Variants in SUPT3H observed in about 807,000 individuals in gnomAD.
The protein encoded by SUPT3H is transcription initiation protein SPT3 homolog.
A neutral mutation model predicts 44.3 loss-of-function variants in SUPT3H; 44 were observed. The observed-to-expected ratio is 0.99, with a 90% confidence interval of 0.78 to 1.28. The LOEUF (loss-of-function observed/expected upper bound fraction) is 1.28. Among genes scored for constraint, SUPT3H ranks in the 50% most tolerant of loss-of-function variants. The pLI, the probability that SUPT3H is intolerant of heterozygous loss-of-function variation, is 0.00. For missense variants in SUPT3H, 380 were observed against 387.1 expected (o/e 0.98, Z 0.15); for synonymous variants, 124 against 125.6 (o/e 0.99, Z 0.09).
intron 2 of SUPT3H, among the ~76,000 whole-genome samples, chr6:45,194,423 G>A (rs1414091138): frequency 1.1e-4 from 17 of 151,932 alleles, no homozygotes; most frequent in Non-Finnish European, 4.4e-5. Context: ...TAAACCTATT[G>A]TTTACAACAA....
At chr6:45,279,162 T>C (rs1562854317) in intron 2 of SUPT3H, among the ~76,000 whole-genome samples, 1 of 152,142 alleles carries the variant, frequency 6.6e-6, no homozygotes, top group Non-Finnish European at 1.5e-5. Context: ...CCTTCAAATA[T>C]CTAAAATCTT....
At chr6:45,163,479 A>G (rs1678094034) in intron 2 of SUPT3H, among the ~76,000 whole-genome samples, 2 of 152,206 alleles carry the variant, frequency 1.3e-5, no homozygotes, top group Admixed American at 6.6e-5. Flanking sequence ...TATTTTTAAA[A>G]AAACTTACGT....
chr6:45,116,161 T>C lies in SUPT3H; in HGVS notation c.102-10155A>G, dbSNP rs544952153. Among the ~76,000 whole-genome samples the C allele has an allele frequency of 5.3e-4, 81 of 152,296 alleles. No homozygotes were observed. The South Asian group carries it at 0.016, about 30-fold the overall frequency. ...CAGATACTGAATGACAGGCTCGTTA[T>C]TTTTCACAGCATTTAAGGAAGTTTG... On this transcript the variant is annotated intron_variant, in intron 2 of 10. Coordinates refer to ENST00000371459, the MANE Select transcript of SUPT3H (RefSeq NM_003599.4).
chr6:45,285,880 C>G (rs1385580251), intron 2 of SUPT3H, among the ~76,000 whole-genome samples: 1 of 152,104 alleles, frequency 6.6e-6, no homozygotes, highest in Non-Finnish European at 1.5e-5. Context: ...CAGAATGGTA[C>G]TGGTACCAAA....
intron 6 of SUPT3H, among the ~76,000 whole-genome samples, chr6:44,994,920 T>C (rs1250049067): frequency 6.6e-6 from 1 of 151,982 alleles, no homozygotes; most frequent in Non-Finnish European, 1.5e-5. Flanking sequence ...TTAATTTTGT[T>C]TGAATTGGTT....
chr6:45,053,914 CAAA>C (rs56734466), intron 3 of SUPT3H, among the ~76,000 whole-genome samples: 9 of 79,650 alleles, frequency 1.1e-4, no homozygotes, highest in African/African-American at 3.6e-4. Flanking sequence ...GACTCCGTCT[CAAA>C]AAAAAAAAAA....
chr6:45,325,622 A>C (rs1428702817), intron 2 of SUPT3H, among the ~76,000 whole-genome samples: 1 of 151,550 alleles, frequency 6.6e-6, no homozygotes, highest in Admixed American at 6.6e-5. Flanking sequence ...AGAGGATAAA[A>C]TTTTATGGGT....
rs568268450 is a variant in SUPT3H, at chr6:45,276,339, A to G, written c.101+88862T>C. 2.6e-5 allele frequency among the ~76,000 whole-genome samples: 4 copies of G among 152,312 alleles called. No individual in the cohort carries two copies. The South Asian group carries it at 6.2e-4, about 24-fold the overall frequency. On this transcript the variant is annotated intron_variant, in intron 2 of 10. Coordinates refer to ENST00000371459, the MANE Select transcript of SUPT3H (RefSeq NM_003599.4). Reference sequence around the variant, plus strand: ...ACAGCTTTTCAAAATTATAATATGAAAATAGAAACCTCTCCTATAAAAACT... The same window carrying G: ...ACAGCTTTTCAAAATTATAATATGAGAATAGAAACCTCTCCTATAAAAACT...
rs1455885067 is a variant in SUPT3H, at chr6:44,842,404, AAAT to A, written c.913-12550_913-12548del. ...AGAAATATAAATATTATTCATTAAT[AAAT>A]AATGTTTATTAACATTTATTTAGAA... On this transcript the variant is annotated intron_variant, in intron 10 of 10. Coordinates refer to ENST00000371459, the MANE Select transcript of SUPT3H (RefSeq NM_003599.4). Among the ~76,000 whole-genome samples the A allele has an allele frequency of 2.6e-5, 4 of 152,132 alleles. No homozygotes were observed. In the East Asian group the frequency reaches 7.7e-4, roughly 29 times the overall value.
intron 2 of SUPT3H, among the ~76,000 whole-genome samples, chr6:45,157,673 T>C (rs1808062362): frequency 6.6e-6 from 1 of 151,800 alleles, no homozygotes. Flanking sequence ...CTCAGCCTCC[T>C]GAGCAGCTGG....
At chr6:45,000,763 T>C (rs1421671848) in intron 6 of SUPT3H, among the ~76,000 whole-genome samples, 1 of 152,038 alleles carries the variant, frequency 6.6e-6, no homozygotes, top group Admixed American at 6.6e-5. Flanking sequence ...AAACACAAGA[T>C]AAAAAGTCAC....
Position 44,828,190 on chromosome 6 carries a change from A to G in SUPT3H, c.*1626T>C, listed in dbSNP as rs1380450343. Reference sequence around the variant, plus strand: ...AATAAATGCTATCGTTTAAAAGTTAAGTTAAGTTAGGATGTTTACTGCAAG... The same window carrying G: ...AATAAATGCTATCGTTTAAAAGTTAGGTTAAGTTAGGATGTTTACTGCAAG... On this transcript the variant is annotated 3_prime_UTR_variant, in exon 11 of 11. Transcript: ENST00000371459. Among the ~76,000 whole-genome samples, 1 of 152,062 alleles carries G rather than the reference A, an allele frequency of 6.6e-6. No homozygotes were observed. Among genetic ancestry groups the G allele is most frequent in the African/African-American group, 2.4e-5 (1 of 41,428 alleles).
chr6:45,328,790 T>C, intron 2 of SUPT3H: 1 of 1,611,770 alleles, frequency 6.2e-7, no homozygotes, highest in Non-Finnish European at 8.5e-7. Flanking sequence ...TTGGGGTAAG[T>C]GTTACCATTT....
intron 2 of SUPT3H, among the ~76,000 whole-genome samples, chr6:45,290,417 A>C (rs1456769220): frequency 2.7e-5 from 4 of 149,152 alleles, no homozygotes; most frequent in Non-Finnish European, 5.9e-5. Context: ...CATAGGATTA[A>C]GTGAATCTCT....
At chr6:45,268,785 C>G (rs989168241) in intron 2 of SUPT3H, among the ~76,000 whole-genome samples, 1 of 152,108 alleles carries the variant, frequency 6.6e-6, no homozygotes, top group African/African-American at 2.4e-5. Context: ...CTGAAAGAAA[C>G]TTATTTCAGA....
At chr6:44,891,380 T>TA (rs1763289461) in intron 10 of SUPT3H, among the ~76,000 whole-genome samples, 1 of 152,088 alleles carries the variant, frequency 6.6e-6, no homozygotes, top group African/African-American at 2.4e-5. Context: ...ATCAATTGAC[T>TA]AAAACAAATG....
chr6:44,903,968 C>A (rs1765548880), intron 10 of SUPT3H, among the ~76,000 whole-genome samples: 1 of 152,080 alleles, frequency 6.6e-6, no homozygotes, highest in Non-Finnish European at 1.5e-5. Context: ...AGGCCTTTGA[C>A]AAAATTCAAC....
intron 3 of SUPT3H, among the ~76,000 whole-genome samples, chr6:45,061,246 C>T (rs566486085): frequency 4.0e-4 from 61 of 152,248 alleles, no homozygotes; most frequent in Non-Finnish European, 7.2e-4. Flanking sequence ...TACATATACA[C>T]CATGGAATAC....
chr6:45,342,748 T>C (rs1226160368), intron 2 of SUPT3H, among the ~76,000 whole-genome samples: 4 of 152,062 alleles, frequency 2.6e-5, no homozygotes, highest in Non-Finnish European at 5.9e-5. Context: ...CGTTAATGTT[T>C]TAAAAGCTTA....
Sources: allele counts gnomAD v4.1 joint callset (sites outside exome capture counted in the v4.1 genomes callset), GRCh38; gene constraint gnomAD v4.1.1; transcripts MANE v1.5; gene names NCBI Gene and HGNC (gene_info 2026-07-23, HGNC 2026-07-21).